The following FOCAD variants were observed in gnomAD, a reference collection of about 807,000 sequenced individuals.
FOCAD encodes focadhesin, also known as KIAA1797.
In FOCAD, 198 loss-of-function variants were observed where a neutral mutation model predicts 225.6. The observed-to-expected ratio is 0.88, with a 90% CI of 0.78 to 0.99. The LOEUF is 0.99. Ranked by LOEUF, FOCAD falls within the 50% of genes least tolerant of loss-of-function variation. The pLI, the probability that FOCAD is intolerant of heterozygous loss-of-function variation, is 0.00. For missense variants in FOCAD, 2,713 were observed against 2,123.6 expected (o/e 1.28, Z -5.46); for synonymous variants, 897 against 755.0 (o/e 1.19, Z -3.08).
chr9:20,691,935 G>T (rs376905164), intron 1 of FOCAD, among the ~76,000 whole-genome samples: 5 of 151,914 alleles, frequency 3.3e-5, no homozygotes, highest in African/African-American at 1.2e-4. Context: ...TACCACACCA[G>T]GCTAATTTTT....
At chr9:20,801,814 G>A (rs1255445080) in intron 11 of FOCAD, among the ~76,000 whole-genome samples, 2 of 152,120 alleles carry the variant, frequency 1.3e-5, no homozygotes, top group African/African-American at 2.4e-5. Context: ...CGTGATAGCT[G>A]TAATTGAAAT....
chr9:20,743,683 A>G (rs1827809838), intron 5 of FOCAD, among the ~76,000 whole-genome samples: 2 of 152,140 alleles, frequency 1.3e-5, no homozygotes, highest in Non-Finnish European at 2.9e-5. Flanking sequence ...TCTGAATCCC[A>G]CTTGCCAGAG....
chr9:20,750,424 G>A (rs1279721626), intron 5 of FOCAD, among the ~76,000 whole-genome samples: 1 of 152,120 alleles, frequency 6.6e-6, no homozygotes, highest in Non-Finnish European at 1.5e-5. Context: ...TATATTAAAT[G>A]CTTTACTTAA....
At chr9:20,935,564 C>G (rs991886165) in intron 28 of FOCAD, among the ~76,000 whole-genome samples, 25 of 152,126 alleles carry the variant, frequency 1.6e-4, no homozygotes, top group African/African-American at 5.6e-4. Flanking sequence ...CCACGCCCAG[C>G]TAATTTTGTA....
intron 18 of FOCAD, among the ~76,000 whole-genome samples, chr9:20,871,864 T>A (rs1230275499): frequency 2.0e-5 from 3 of 148,534 alleles, no homozygotes; most frequent in Non-Finnish European, 4.5e-5. Context: ...CATATGTAAC[T>A]AACCTGCACA....
chr9:20,786,725 C>T (rs1819958445), intron 10 of FOCAD, among the ~76,000 whole-genome samples: 1 of 152,152 alleles, frequency 6.6e-6, no homozygotes, highest in South Asian at 2.1e-4. Flanking sequence ...ATTGTTACTA[C>T]TTAATGTGTC....
intron 21 of FOCAD, among the ~76,000 whole-genome samples, chr9:20,906,880 A>C (rs187443259): frequency 6.6e-6 from 1 of 152,068 alleles, no homozygotes; most frequent in Non-Finnish European, 1.5e-5. Context: ...TTTGTATTAC[A>C]TGTACATTTT....
intron 15 of FOCAD, among the ~76,000 whole-genome samples, chr9:20,846,966 A>G (rs896909497): frequency 1.3e-5 from 2 of 152,152 alleles, no homozygotes; most frequent in Admixed American, 1.3e-4. Context: ...TCACATAGCT[A>G]CTTAGTGGCA....
At chr9:20,891,110 A>C (rs1335142926) in intron 21 of FOCAD, among the ~76,000 whole-genome samples, 1 of 152,140 alleles carries the variant, frequency 6.6e-6, no homozygotes, top group Non-Finnish European at 1.5e-5. Flanking sequence ...ATGATCTTTG[A>C]AGTTACGATT....
chr9:20,910,832 A>G (rs1448992795), intron 22 of FOCAD, among the ~76,000 whole-genome samples: 2 of 152,236 alleles, frequency 1.3e-5, no homozygotes, highest in East Asian at 3.9e-4. Flanking sequence ...TAAGGGAGAC[A>G]TTCCAGAAAA....
intron 20 of FOCAD, among the ~76,000 whole-genome samples, 162 bp downstream of exon 20, chr9:20,882,218 T>C (rs190105573): frequency 5.1e-4 from 78 of 152,312 alleles, no homozygotes; most frequent in African/African-American, 1.6e-3. Flanking sequence ...CGCAGAACTG[T>C]AGAAGCAAAG....
intron 5 of FOCAD, among the ~76,000 whole-genome samples, chr9:20,751,431 A>G (rs1450154693): frequency 5.3e-5 from 3 of 56,654 alleles, no homozygotes; most frequent in African/African-American, 1.7e-4. Flanking sequence ...TGTTCTTGCA[A>G]TAGTTTACTG....
At chr9:20,812,117 C>G (rs7848701) in intron 11 of FOCAD, among the ~76,000 whole-genome samples, 60,248 of 151,756 alleles carry the variant, frequency 0.4, 12,198 homozygotes, top group Admixed American at 0.48. Context: ...TAAGAATACA[C>G]TTTTGTAATT....
chr9:20,919,531 A>T (rs954646402), intron 24 of FOCAD, among the ~76,000 whole-genome samples: 24 of 152,188 alleles, frequency 1.6e-4, no homozygotes, highest in East Asian at 7.7e-4. Context: ...AGAACAAAGC[A>T]GGAGGCATCA....
At chr9:20,782,825 A>G (rs143844992) in intron 10 of FOCAD, among the ~76,000 whole-genome samples, 92 of 152,336 alleles carry the variant, frequency 6.0e-4, no homozygotes, top group Middle Eastern at 6.8e-3. Context: ...TCCAGTCATT[A>G]TTAGTTCTTG....
At chr9:20,795,557 G>A (rs1356491924) in intron 11 of FOCAD, among the ~76,000 whole-genome samples, 1 of 151,890 alleles carries the variant, frequency 6.6e-6, no homozygotes, top group Non-Finnish European at 1.5e-5. Flanking sequence ...AGGCCGAGGT[G>A]GGCGGATCAC....
chr9:20,958,544 A>T (rs1838407378), intron 35 of FOCAD, among the ~76,000 whole-genome samples: 1 of 152,142 alleles, frequency 6.6e-6, no homozygotes. Context: ...TGTTGGGAAC[A>T]TTCAATTCCT....
At chr9:20,797,073 A>C (rs1821197551) in intron 11 of FOCAD, among the ~76,000 whole-genome samples, 1 of 152,190 alleles carries the variant, frequency 6.6e-6, no homozygotes, top group South Asian at 2.1e-4. Flanking sequence ...TAAATAGGGA[A>C]TCTTTAACCC....
At position 20,769,938 on chromosome 9, in the gene FOCAD, G is replaced by GA. The variant is rs1227981932; in HGVS notation, c.700-88dup. The GA allele has an allele frequency of 4.2e-6, 5 of 1,179,898 alleles. No homozygotes were observed. The African/African-American group carries it at 4.7e-5, about 11-fold the overall frequency. 73.1% of individuals were successfully genotyped at this position (1,179,898 alleles called of 1,614,324 possible). A position where few individuals can be genotyped will look rare whatever the true frequency, so the allele number is the denominator to read the frequency against. On this transcript the variant is annotated intron_variant, in intron 7 of 43. Transcript: ENST00000338382. ...TCCTTTAAGTCTTTATAGGTTTAGA[G>GA]AAAAAATTACATTGTTCAAAGCTTT... is the stretch of plus-strand genomic sequence containing the variant.
Sources: gnomAD v4.1 joint callset for allele counts (sites outside exome capture counted in the v4.1 genomes callset) on GRCh38, gnomAD v4.1.1 for gene constraint, MANE v1.5 for transcripts, NCBI Gene and HGNC (gene_info 2026-07-23, HGNC 2026-07-21) for gene names.